The following KCNQ3 variants were observed in gnomAD, a reference collection of about 807,000 sequenced individuals.
KCNQ3 encodes the protein potassium voltage-gated channel subfamily Q member 3.
Under a neutral mutation model 92.5 loss-of-function variants are expected in KCNQ3, and 30 were observed. The ratio of observed to expected loss-of-function variants is 0.32; its 90% CI spans 0.24 to 0.44. The LOEUF is 0.44. Ranked by LOEUF, KCNQ3 falls within the 20% of genes least tolerant of loss-of-function variation. KCNQ3 has a pLI of 1.00. For synonymous variants in KCNQ3, 450 were observed against 468.8 expected, an observed-to-expected ratio of 0.96 and a Z score of 0.52; for missense variants, 913 against 1,140.3, an observed-to-expected ratio of 0.80 and a Z score of 2.87.
chr8:132,164,454 A>T (rs1826083463), intron 8 of KCNQ3, among the ~76,000 whole-genome samples: 1 of 151,894 alleles, frequency 6.6e-6, no homozygotes, highest in Non-Finnish European at 1.5e-5. Flanking sequence ...GGTGGGAGGG[A>T]TGAAGACAGA....
intron 1 of KCNQ3, among the ~76,000 whole-genome samples, chr8:132,479,086 A>C (rs1261501657): frequency 2.0e-5 from 3 of 152,138 alleles, no homozygotes; most frequent in Non-Finnish European, 4.4e-5. Flanking sequence ...CAGAAGGCAG[A>C]GCTTGATGGC....
chr8:132,185,373 T>C (rs1826928460), intron 2 of KCNQ3, among the ~76,000 whole-genome samples: 1 of 152,226 alleles, frequency 6.6e-6, no homozygotes, highest in Non-Finnish European at 1.5e-5. Context: ...GGCAAGGGTG[T>C]GGTCATTCAA....
intron 4 of KCNQ3, among the ~76,000 whole-genome samples, chr8:132,177,576 G>T (rs1586803453): frequency 6.6e-6 from 1 of 152,220 alleles, no homozygotes; most frequent in South Asian, 2.1e-4. Context: ...CGGATACACT[G>T]TAAGCCAGAA....
chr8:132,461,743 CATT>C (rs1415108768), intron 1 of KCNQ3, among the ~76,000 whole-genome samples: 1 of 152,190 alleles, frequency 6.6e-6, no homozygotes, highest in African/African-American at 2.4e-5. Context: ...AGTGATATCT[CATT>C]GTTGTTTTAA....
At chr8:132,412,878 C>T (rs1820686647) in intron 1 of KCNQ3, among the ~76,000 whole-genome samples, 1 of 152,150 alleles carries the variant, frequency 6.6e-6, no homozygotes, top group African/African-American at 2.4e-5. Context: ...TCTGTTGACC[C>T]GGATCACTTA....
intron 1 of KCNQ3, among the ~76,000 whole-genome samples, chr8:132,221,745 C>T (rs1227384877): frequency 6.6e-6 from 1 of 152,030 alleles, no homozygotes; most frequent in Non-Finnish European, 1.5e-5. Flanking sequence ...AGAACAGAGG[C>T]CTCAGAAATA....
At chr8:132,172,379 C>A (rs1269880114) in intron 7 of KCNQ3, among the ~76,000 whole-genome samples, 1 of 148,842 alleles carries the variant, frequency 6.7e-6, no homozygotes, top group East Asian at 1.9e-4. Context: ...CAGGCCTGCT[C>A]CTGCCTGGGC....
At chr8:132,256,685 G>T (rs1815599812) in intron 1 of KCNQ3, among the ~76,000 whole-genome samples, 1 of 152,154 alleles carries the variant, frequency 6.6e-6, no homozygotes, top group Admixed American at 6.5e-5. Flanking sequence ...GGCCAGAAGA[G>T]TGTAGGATGA....
At chr8:132,230,778 C>G (rs924882777) in intron 1 of KCNQ3, among the ~76,000 whole-genome samples, 2 of 152,178 alleles carry the variant, frequency 1.3e-5, no homozygotes, top group Admixed American at 6.5e-5. Flanking sequence ...ATTAGGTTGT[C>G]TCCCATAGTG....
rs143184705 is a variant in KCNQ3 at position 132,141,845 on chromosome 8, G to A, written c.1263-514C>T. ...CCTCATGGATAGAATTTGGCAGTCC[G>A]TGAGTTTGGATGGGGAAAAATACAT... On this transcript the variant is annotated intron_variant, in intron 9 of 14. Coordinates refer to ENST00000388996, the MANE Select transcript of KCNQ3 (RefSeq NM_004519.4). Among the ~76,000 whole-genome samples the A allele has an allele frequency of 3.6e-3, 543 of 152,256 alleles. 2 individuals are homozygous for A. Among genetic ancestry groups the A allele is most frequent in the African/African-American group, 0.011 (472 of 41,540 alleles).
At chr8:132,288,500 A>C (rs1464678946) in intron 1 of KCNQ3, among the ~76,000 whole-genome samples, 2 of 151,952 alleles carry the variant, frequency 1.3e-5, no homozygotes, top group Non-Finnish European at 2.9e-5. Flanking sequence ...CCCTCATCAC[A>C]TTTGCCCATG....
chr8:132,466,638 C>T (rs2721886), intron 1 of KCNQ3, among the ~76,000 whole-genome samples: 152,189 of 152,276 alleles, frequency 1, 76,052 homozygotes, highest in Middle Eastern at 1. Context: ...TTTCACTTAC[C>T]TTCCCCGATT....
intron 1 of KCNQ3, among the ~76,000 whole-genome samples, chr8:132,265,979 G>C (rs996370692): frequency 2.6e-5 from 4 of 152,156 alleles, no homozygotes; most frequent in Non-Finnish European, 5.9e-5. Flanking sequence ...AGAGAGTTAG[G>C]CAGCCTCCTT....
intron 1 of KCNQ3, among the ~76,000 whole-genome samples, chr8:132,443,657 C>T (rs1438447818): frequency 1.3e-5 from 2 of 152,204 alleles, no homozygotes; most frequent in African/African-American, 4.8e-5. Context: ...TTCATCTCAT[C>T]TCCAAACCAC....
At chr8:132,368,621 C>G (rs1375259691) in intron 1 of KCNQ3, among the ~76,000 whole-genome samples, 1 of 151,152 alleles carries the variant, frequency 6.6e-6, no homozygotes, top group Non-Finnish European at 1.5e-5. Flanking sequence ...CCACTGCACT[C>G]CAGCCTGAGA....
Position 132,480,242 on chromosome 8 carries a change from G to A in KCNQ3, c.291C>T (p.Val97=). 1 of 1,613,256 alleles carries A rather than the reference G, an allele frequency of 6.2e-7. No homozygotes were observed. ...GCCGGTACTTGGCGTTGTTTCTCTT[G>A]ACTGGGCGGCTCAGCGGGGTCTTGG... ...LLAKTPLSRP[V]KRNNAKYRRI... The change falls in exon 1 of 15, where the codon GTC becomes GTT. Residue 97 remains valine (V), a synonymous_variant. Coordinates refer to ENST00000388996, the MANE Select transcript of KCNQ3 (RefSeq NM_004519.4).
At chr8:132,366,548 T>G (rs746930135) in intron 1 of KCNQ3, among the ~76,000 whole-genome samples, 36 of 152,198 alleles carry the variant, frequency 2.4e-4, no homozygotes, top group Non-Finnish European at 5.0e-4. Flanking sequence ...ATTCCCCTCC[T>G]TTTTACTCTG....
chr8:132,152,004 C>G (rs1402843056), intron 9 of KCNQ3, among the ~76,000 whole-genome samples: 1 of 152,096 alleles, frequency 6.6e-6, no homozygotes, highest in East Asian at 1.9e-4. Flanking sequence ...TATTGGATAC[C>G]ATGAGATAAT....
chr8:132,460,460 C>T (rs1822036097), intron 1 of KCNQ3, among the ~76,000 whole-genome samples: 1 of 152,156 alleles, frequency 6.6e-6, no homozygotes, highest in South Asian at 2.1e-4. Flanking sequence ...AGAAACCTAG[C>T]TCCCACCACT....
Sources: gnomAD v4.1 joint callset for allele counts (sites outside exome capture counted in the v4.1 genomes callset) on GRCh38, gnomAD v4.1.1 for gene constraint, MANE v1.5 for transcripts, NCBI Gene and HGNC (gene_info 2026-07-23, HGNC 2026-07-21) for gene names.